RRBP1: variants seen among roughly 807,000 people sequenced by gnomAD.
RRBP1 encodes the protein ribosome-binding protein 1.
A neutral mutation model predicts 165.2 loss-of-function variants in RRBP1; 94 were observed. The observed-to-expected ratio is 0.57, with a 90% CI of 0.48 to 0.68. The LOEUF (loss-of-function observed/expected upper bound fraction) is 0.68. Among genes scored for constraint, RRBP1 ranks in the 30% least tolerant of loss-of-function variants. The probability of loss-of-function intolerance (pLI) is 0.00; values close to 1 mark genes in which losing one functional copy is unlikely to be tolerated. For synonymous variants in RRBP1, 680 were observed against 714.5 expected (o/e 0.95, Z 0.77); for missense variants, 1,676 against 1,763.0 (o/e 0.95, Z 0.88).
rs752796356 is a variant in RRBP1, at chr20:17,635,526, G to A, written c.2456+20C>T. On this transcript the variant is annotated intron_variant, in intron 7 of 24. Coordinates refer to ENST00000377813, the MANE Select transcript of RRBP1 (RefSeq NM_001365613.2). ...TCCAGGGCCCTTGGGGAGGTGCTGA[G>A]GCAGGAAAGCTCAGCTTACTTGCTC... 3.8e-6 allele frequency: 6 copies of A among 1,570,934 alleles called. No individual in the cohort carries two copies. Among genetic ancestry groups the A allele is most frequent in the Non-Finnish European group, 5.2e-6 (6 of 1,148,766 alleles).
chr20:17,631,354 G>T (rs1395356575), intron 8 of RRBP1, among the ~76,000 whole-genome samples: 1 of 152,244 alleles, frequency 6.6e-6, no homozygotes, highest in Admixed American at 6.5e-5. Context: ...TCAGACTGCA[G>T]GGAGACTGAC....
At chr20:17,630,077 G>A (rs1375857866) in intron 8 of RRBP1, 116 bp from the exon 9 acceptor site, 6 of 1,180,980 alleles carry the variant, frequency 5.1e-6, no homozygotes, top group African/African-American at 3.0e-5. Context: ...GCAGTCTCTG[G>A]TCCATGTGGG....
Position 17,616,029 on chromosome 20 carries a change from A to G in RRBP1, c.3868-20T>C, listed in dbSNP as rs753771315. 1.9e-6 allele frequency: 3 copies of G among 1,598,470 alleles called. No homozygotes were observed. The highest frequency in any genetic ancestry group is 1.3e-5 in the African/African-American group (1 of 74,840). ...CTTCAGCTGTGCAAACACCGCAAAC[A>G]TAACCCGGCAGCCCGGTGAGGAACC... On this transcript the variant is annotated intron_variant, in intron 21 of 24. Transcript: ENST00000377813.
intron 3 of RRBP1, among the ~76,000 whole-genome samples, chr20:17,655,057 T>C (rs1235859757): frequency 6.6e-6 from 1 of 152,260 alleles, no homozygotes; most frequent in African/African-American, 2.4e-5. Flanking sequence ...GGAAATTCTT[T>C]GCTTCATCAG....
intron 3 of RRBP1, among the ~76,000 whole-genome samples, chr20:17,651,353 T>C (rs1158633500): frequency 2.6e-5 from 4 of 152,236 alleles, no homozygotes; most frequent in Non-Finnish European, 5.9e-5. Flanking sequence ...ATTAAAAACG[T>C]ACCCACCTTT....
At chr20:17,620,494 A>G in intron 17 of RRBP1, 124 bp from the exon 18 acceptor site, 1 of 944,322 alleles carries the variant, frequency 1.1e-6, no homozygotes. Context: ...CACTCCGCCC[A>G]GCTGGGACGG....
intron 23 of RRBP1, 98 bp downstream of exon 23, chr20:17,615,333 G>T (rs957260782): frequency 1.0e-6 from 1 of 968,770 alleles, no homozygotes. Flanking sequence ...TCCCGGTGGG[G>T]TCGGCTCTCC....
Position 17,660,213 on chromosome 20 carries a change from G to C in RRBP1, c.295C>G (p.Pro99Ala). 6.2e-7 allele frequency: 1 copy of C among 1,613,748 alleles called. No homozygotes were observed. The highest frequency in any genetic ancestry group is 8.5e-7 in the Non-Finnish European group (1 of 1,179,836). Residue 99 changes from proline (P) to alanine (A), a missense_variant, in exon 3 of 25, where the codon CCA becomes GCA. Around this residue, in one of 5 missense-constraint regions of RRBP1, gnomAD observed 392 missense variants for 382.5 expected, o/e 1.02. Transcript: ENST00000377813. ...ACAGCCACAGCAGGAGCCCGCACTGGTTCTCGAAGGAGGACAGTCACATTG... is the reference window on the plus strand; with the variant it reads ...ACAGCCACAGCAGGAGCCCGCACTGCTTCTCGAAGGAGGACAGTCACATTG... ...APNVTVLLRE[P>A]VRAPAVAVAP...
At chr20:17,675,091 C>G (rs980535640) in intron 2 of RRBP1, among the ~76,000 whole-genome samples, 3 of 152,236 alleles carry the variant, frequency 2.0e-5, no homozygotes, top group African/African-American at 7.2e-5. Flanking sequence ...CTGAGGGCTC[C>G]CAGGAGAGAG....
intron 20 of RRBP1, 50 bp from the exon 21 acceptor site, chr20:17,616,889 AC>A: frequency 7.3e-7 from 1 of 1,368,628 alleles, no homozygotes; most frequent in Non-Finnish European, 1.0e-6. Context: ...TCGCACACCC[AC>A]CATGCTCACT....
intron 5 of RRBP1, among the ~76,000 whole-genome samples, chr20:17,640,487 A>G (rs374952020): frequency 2.6e-5 from 4 of 152,284 alleles, no homozygotes; most frequent in African/African-American, 9.6e-5. Context: ...TCTGAAGATT[A>G]GGGGCCCCTG....
At chr20:17,634,967 G>GC (rs1275249113) in intron 7 of RRBP1, among the ~76,000 whole-genome samples, 2 of 152,206 alleles carry the variant, frequency 1.3e-5, no homozygotes, top group African/African-American at 2.4e-5. Context: ...GCTGTGGTCA[G>GC]CCCCTGCCTT....
intron 2 of RRBP1, among the ~76,000 whole-genome samples, chr20:17,668,323 C>T (rs1260379880): frequency 6.6e-6 from 1 of 152,184 alleles, no homozygotes; most frequent in South Asian, 2.1e-4. Flanking sequence ...ATCAGTCCTT[C>T]GTTATTCGAT....
At chr20:17,627,037 C>A (rs1197322154) in intron 11 of RRBP1, among the ~76,000 whole-genome samples, 1 of 152,200 alleles carries the variant, frequency 6.6e-6, no homozygotes, top group Non-Finnish European at 1.5e-5. Context: ...GAACCTCTGA[C>A]CAGTCAGTCC....
chr20:17,677,961 T>G (rs763832324), intron 2 of RRBP1, among the ~76,000 whole-genome samples: 2 of 152,268 alleles, frequency 1.3e-5, no homozygotes, highest in Non-Finnish European at 2.9e-5. Flanking sequence ...TCCAATACTT[T>G]GGAACTGAAA....
At chr20:17,668,129 G>A (rs2122485359) in intron 2 of RRBP1, among the ~76,000 whole-genome samples, 1 of 152,200 alleles carries the variant, frequency 6.6e-6, no homozygotes, top group East Asian at 1.9e-4. Context: ...ACTGTGCTGA[G>A]TGTGAGGAGT....
At chr20:17,646,717 A>G (rs76714141) in intron 3 of RRBP1, among the ~76,000 whole-genome samples, 2,348 of 152,162 alleles carry the variant, frequency 0.015, 87 homozygotes, top group East Asian at 0.074. Flanking sequence ...CTGCGACCAC[A>G]CTGGGAGGCT....
intron 3 of RRBP1, among the ~76,000 whole-genome samples, chr20:17,647,939 G>A (rs562946462): frequency 2.6e-4 from 39 of 152,218 alleles, no homozygotes; most frequent in Admixed American, 1.2e-3. Context: ...CCAGTCACCC[G>A]ACCCAAACTC....
intron 2 of RRBP1, among the ~76,000 whole-genome samples, chr20:17,662,858 ACAC>A (rs1600774197): frequency 6.6e-6 from 1 of 152,090 alleles, no homozygotes. Flanking sequence ...GCCAAAATGG[ACAC>A]CACATTATAA....
Sources: gnomAD v4.1 joint callset for allele counts (sites outside exome capture counted in the v4.1 genomes callset) on GRCh38, gnomAD v4.1.1 for gene constraint, gnomAD v4.1.1 regional missense constraint, MANE v1.5 for transcripts, NCBI Gene and HGNC (gene_info 2026-07-23, HGNC 2026-07-21) for gene names.